SLC2A13: variants seen among roughly 807,000 people sequenced by gnomAD.
SLC2A13 encodes the protein proton myo-inositol cotransporter.
SLC2A13 carries 32 observed loss-of-function variants against 64.4 expected under a neutral mutation model. That is an observed-to-expected ratio of 0.50 (90% CI 0.37 to 0.67). The LOEUF (loss-of-function observed/expected upper bound fraction) is 0.67, where lower values mean the gene tolerates loss of function less well. Among genes scored for constraint, SLC2A13 ranks in the 30% least tolerant of loss-of-function variants. The pLI, the probability that SLC2A13 is intolerant of heterozygous loss-of-function variation, is 0.00. For synonymous variants in SLC2A13, 338 were observed against 327.1 expected (o/e 1.03, Z -0.36); for missense variants, 743 against 829.2 (o/e 0.90, Z 1.28).
intron 2 of SLC2A13, 23 bp downstream of exon 2, chr12:40,048,028 A>T (rs1948196269): frequency 1.2e-5 from 19 of 1,559,716 alleles, no homozygotes; most frequent in Non-Finnish European, 1.6e-5. Flanking sequence ...TTGAAAAATT[A>T]AATGTAAAAA....
intron 4 of SLC2A13, among the ~76,000 whole-genome samples, chr12:39,900,056 A>C (rs1163835933): frequency 6.6e-6 from 1 of 152,172 alleles, no homozygotes; most frequent in Non-Finnish European, 1.5e-5. Flanking sequence ...CAATAAATGT[A>C]ATCCAGCATA....
chr12:39,869,857 T>C (rs1943998206), intron 5 of SLC2A13, among the ~76,000 whole-genome samples: 2 of 152,236 alleles, frequency 1.3e-5, no homozygotes, highest in South Asian at 4.1e-4. Context: ...ACAGCTAAAA[T>C]GCTCAGAGCC....
chr12:39,982,423 A>C (rs1432780913), intron 3 of SLC2A13, among the ~76,000 whole-genome samples: 9 of 149,698 alleles, frequency 6.0e-5, no homozygotes, highest in Non-Finnish European at 8.9e-5. Context: ...TTTACCTAGA[A>C]AACCCCATCG....
chr12:40,000,195 A>C (rs1947300018), intron 3 of SLC2A13, among the ~76,000 whole-genome samples: 1 of 152,144 alleles, frequency 6.6e-6, no homozygotes, highest in Non-Finnish European at 1.5e-5. Flanking sequence ...GCTATGTGGT[A>C]CTGTAAGTCT....
At chr12:39,893,361 G>T (rs1022293231) in intron 4 of SLC2A13, among the ~76,000 whole-genome samples, 1 of 152,196 alleles carries the variant, frequency 6.6e-6, no homozygotes, top group Non-Finnish European at 1.5e-5. Context: ...GCACAGTGGT[G>T]CAATCTCAGC....
intron 1 of SLC2A13, among the ~76,000 whole-genome samples, chr12:40,065,421 G>GA (rs67773532): frequency 0.017 from 2,259 of 134,370 alleles, 17 homozygotes; most frequent in Non-Finnish European, 0.026. Context: ...ATCTTTACAA[G>GA]AAAAAAAAAA....
At chr12:39,873,192 T>A (rs935033406) in intron 4 of SLC2A13, among the ~76,000 whole-genome samples, 1 of 152,208 alleles carries the variant, frequency 6.6e-6, no homozygotes, top group Non-Finnish European at 1.5e-5. Context: ...CTATGTAGCA[T>A]GAAGGATGTG....
chr12:40,062,067 C>T (rs970943549), intron 1 of SLC2A13, among the ~76,000 whole-genome samples: 1 of 151,918 alleles, frequency 6.6e-6, no homozygotes, highest in African/African-American at 2.4e-5. Context: ...AAAGATGGAC[C>T]TTTTAATAAA....
At chr12:40,050,641 A>T (rs1218109799) in intron 1 of SLC2A13, among the ~76,000 whole-genome samples, 1 of 152,204 alleles carries the variant, frequency 6.6e-6, no homozygotes, top group South Asian at 2.1e-4. Context: ...GCATGTAATT[A>T]TCTCCATTTT....
At chr12:40,015,728 A>G (rs1947610420) in intron 3 of SLC2A13, among the ~76,000 whole-genome samples, 1 of 152,166 alleles carries the variant, frequency 6.6e-6, no homozygotes, top group South Asian at 2.1e-4. Flanking sequence ...TATCCACGAA[A>G]GCAGACGTTT....
chr12:40,105,428 C>G lies in SLC2A13; in HGVS notation c.381G>C (p.Thr127=). The G allele has an allele frequency of 1.9e-6, 3 of 1,551,866 alleles. No individual in the cohort carries two copies. Among genetic ancestry groups the G allele is most frequent in the Non-Finnish European group, 2.6e-6 (3 of 1,148,768 alleles). ...ALWQELLVSS[T]VGAAAVSALA... ...GCGCCGAGACGGCAGCCGCCCCCACCGTGCTGGACACCAGCAGCTCCTGCC... is the reference window on the plus strand; with the variant it reads ...GCGCCGAGACGGCAGCCGCCCCCACGGTGCTGGACACCAGCAGCTCCTGCC... Residue 127 remains threonine (T), a synonymous_variant, in exon 1 of 10, where the codon ACG becomes ACC. Coordinates refer to ENST00000280871, the MANE Select transcript of SLC2A13 (RefSeq NM_052885.4). The surrounding 1 kb of genome is among the most constrained non-coding windows in gnomAD (Gnocchi z 4.2).
intron 7 of SLC2A13, among the ~76,000 whole-genome samples, chr12:39,773,762 C>G (rs1940670552): frequency 6.6e-6 from 1 of 152,046 alleles, no homozygotes; most frequent in African/African-American, 2.4e-5. Context: ...GTATAAAAAC[C>G]AAAACTTCCA....
intron 3 of SLC2A13, among the ~76,000 whole-genome samples, chr12:39,962,160 C>T (rs1008955532): frequency 6.6e-6 from 1 of 152,204 alleles, no homozygotes; most frequent in Admixed American, 6.5e-5. Context: ...GGCATGATTT[C>T]AGCTCACTAT....
chr12:39,859,330 T>TC (rs1566873934), intron 6 of SLC2A13, among the ~76,000 whole-genome samples: 2 of 110,190 alleles, frequency 1.8e-5, no homozygotes, highest in Admixed American at 2.3e-4. Context: ...TTTTTTTTTT[T>TC]CTGAAAAAAA....
At chr12:39,822,425 G>C (rs567302825) in intron 7 of SLC2A13, among the ~76,000 whole-genome samples, 2 of 151,996 alleles carry the variant, frequency 1.3e-5, no homozygotes, top group Non-Finnish European at 2.9e-5. Context: ...TCTAAATAAG[G>C]CTCTTTAACC....
chr12:39,908,887 C>A (rs1190879054), intron 4 of SLC2A13, among the ~76,000 whole-genome samples: 7 of 151,858 alleles, frequency 4.6e-5, no homozygotes, highest in Non-Finnish European at 1.0e-4. Context: ...TCAGAACGGG[C>A]ACTTAGCTGG....
chr12:39,950,024 G>A (rs1299994829), intron 4 of SLC2A13: 2 of 152,178 alleles, frequency 1.3e-5, no homozygotes, highest in Non-Finnish European at 2.9e-5. Flanking sequence ...AGAAGCAGGA[G>A]AGAACAAAAT....
At chr12:40,025,773 C>T (rs1947793288) in intron 3 of SLC2A13, among the ~76,000 whole-genome samples, 1 of 152,176 alleles carries the variant, frequency 6.6e-6, no homozygotes, top group East Asian at 1.9e-4. Context: ...GATTAACAGG[C>T]CATTCCCTAA....
chr12:39,974,636 C>T (rs1946729675), intron 3 of SLC2A13, among the ~76,000 whole-genome samples: 1 of 152,106 alleles, frequency 6.6e-6, no homozygotes, highest in Admixed American at 6.5e-5. Flanking sequence ...ACTCTAAATG[C>T]AAAACTACAA....
Sources: allele counts gnomAD v4.1 joint callset (sites outside exome capture counted in the v4.1 genomes callset), GRCh38; gene constraint gnomAD v4.1.1; non-coding constraint Gnocchi (gnomAD v3.1); transcripts MANE v1.5; gene names NCBI Gene and HGNC (gene_info 2026-07-23, HGNC 2026-07-21).